TBC1D22A: variants seen among roughly 807,000 people sequenced by gnomAD.
TBC1D22A encodes putative GTPase activator.
Under a neutral mutation model 60.2 loss-of-function variants are expected in TBC1D22A, and 38 were observed. That is an observed-to-expected ratio of 0.63 (90% CI 0.49 to 0.83). The LOEUF is 0.83. Ranked by LOEUF, TBC1D22A falls within the 40% of genes least tolerant of loss-of-function variation. TBC1D22A has a pLI of 0.00. For missense variants in TBC1D22A, 628 were observed against 701.0 expected, an observed-to-expected ratio of 0.90 and a Z score of 1.18; for synonymous variants, 302 against 281.7, an observed-to-expected ratio of 1.07 and a Z score of -0.72.
At chr22:47,052,711 A>G (rs1394581625) in intron 11 of TBC1D22A, among the ~76,000 whole-genome samples, 1 of 152,142 alleles carries the variant, frequency 6.6e-6, no homozygotes, top group Admixed American at 6.5e-5. Flanking sequence ...TCGGCCACAC[A>G]CAGCACTGCT....
intron 8 of TBC1D22A, among the ~76,000 whole-genome samples, chr22:46,955,030 C>T (rs538436590): frequency 9.2e-5 from 14 of 152,294 alleles, no homozygotes; most frequent in South Asian, 2.1e-4. Flanking sequence ...TAATAAGACG[C>T]GGCTTTTGAG....
At chr22:46,763,211 C>T (rs557163535) in intron 1 of TBC1D22A, 1 of 250,882 alleles carries the variant, frequency 4.0e-6, no homozygotes, top group East Asian at 8.2e-5. Context: ...TGAGGCCCCC[C>T]GTCTGCTGGG....
At chr22:47,060,556 G>C (rs574873935) in intron 11 of TBC1D22A, among the ~76,000 whole-genome samples, 1 of 152,054 alleles carries the variant, frequency 6.6e-6, no homozygotes, top group Non-Finnish European at 1.5e-5. Flanking sequence ...TCAGCCTCCC[G>C]AGTAGCTGGG....
chr22:46,860,884 G>T (rs911642488), intron 4 of TBC1D22A, among the ~76,000 whole-genome samples: 2 of 152,244 alleles, frequency 1.3e-5, no homozygotes, highest in African/African-American at 2.4e-5. Context: ...GGGACAGAGG[G>T]AGAAGGTGCA....
chr22:46,779,374 A>G (rs748784102), intron 1 of TBC1D22A, among the ~76,000 whole-genome samples: 3 of 152,066 alleles, frequency 2.0e-5, no homozygotes, highest in African/African-American at 7.2e-5. Flanking sequence ...TCTGTGTTGG[A>G]CAATTTCTTT....
chr22:47,006,369 C>T (rs1320429652), intron 10 of TBC1D22A, among the ~76,000 whole-genome samples: 3 of 152,234 alleles, frequency 2.0e-5, no homozygotes, highest in Non-Finnish European at 4.4e-5. Context: ...ATTTCTGGCC[C>T]ATTTCTGCCA....
chr22:46,919,569 G>A (rs1196609186), intron 8 of TBC1D22A, among the ~76,000 whole-genome samples: 1 of 152,082 alleles, frequency 6.6e-6, no homozygotes, highest in Non-Finnish European at 1.5e-5. Context: ...GAATTACTGG[G>A]TCACATGGTT....
At chr22:47,125,189 G>T (rs549477663) in intron 12 of TBC1D22A, among the ~76,000 whole-genome samples, 12 of 152,280 alleles carry the variant, frequency 7.9e-5, no homozygotes, top group African/African-American at 2.2e-4. Flanking sequence ...AAGATCTGCC[G>T]CCAGCATGGC....
intron 4 of TBC1D22A, among the ~76,000 whole-genome samples, chr22:46,802,462 A>C (rs1330776911): frequency 6.6e-6 from 1 of 152,212 alleles, no homozygotes; most frequent in Non-Finnish European, 1.5e-5. Context: ...AGAGGTGCAA[A>C]GGTCCTGCGG....
In TBC1D22A at chr22:47,051,579, G is replaced by T. The variant is rs78360371; in HGVS notation, c.1329+14381G>T. On this transcript the variant is annotated intron_variant, in intron 11 of 12. Transcript: ENST00000337137. ...GAGGCCCTGGTGATTCTCCTGGAGG[G>T]CTGGGCCAGCCATGCTTTTCAGGTC... Among the ~76,000 whole-genome samples, 406 of 152,216 alleles carry T rather than the reference G, an allele frequency of 2.7e-3. 1 individual carries two copies. The highest frequency in any genetic ancestry group is 9.3e-3 in the African/African-American group (386 of 41,542).
At chr22:47,159,820 A>G (rs980230404) in intron 12 of TBC1D22A, among the ~76,000 whole-genome samples, 2 of 148,350 alleles carry the variant, frequency 1.3e-5, no homozygotes, top group Non-Finnish European at 3.0e-5. Flanking sequence ...ACAGCACACA[A>G]CCCCCACACA....
At chr22:46,847,918 G>GGGGTGT (rs878892889) in intron 4 of TBC1D22A, among the ~76,000 whole-genome samples, 4 of 134,138 alleles carry the variant, frequency 3.0e-5, no homozygotes, top group African/African-American at 1.3e-4. Flanking sequence ...TACCCTAGTG[G>GGGGTGT]GTGTGTGTGT....
At position 46,853,509 on chromosome 22, in the gene TBC1D22A, A is replaced by G. The variant is rs532422413; in HGVS notation, c.638-25144A>G. On this transcript the variant is annotated intron_variant, in intron 4 of 12. Coordinates refer to ENST00000337137, the MANE Select transcript of TBC1D22A (RefSeq NM_014346.5). ...TTTCGGGGGCTTCCTCCAGCCTCCA[A>G]TAGAGGATCAGCGTGAGGGAGTGAG... Among the ~76,000 whole-genome samples, 63 of 152,222 alleles carry G rather than the reference A, an allele frequency of 4.1e-4. 1 individual carries two copies. The East Asian group carries it at 6.6e-3, about 16-fold the overall frequency.
intron 8 of TBC1D22A, chr22:46,914,535 A>G (rs1285935362): frequency 6.6e-6 from 1 of 151,900 alleles, no homozygotes; most frequent in Non-Finnish European, 1.5e-5. Context: ...GGGAATGTTC[A>G]TTAGTACAGT....
chr22:47,075,256 T>C (rs2147529056), intron 11 of TBC1D22A, among the ~76,000 whole-genome samples: 1 of 147,412 alleles, frequency 6.8e-6, no homozygotes, highest in Non-Finnish European at 1.5e-5. Context: ...AGTACTAAAC[T>C]GGGAGTTTGT....
intron 8 of TBC1D22A, among the ~76,000 whole-genome samples, chr22:46,951,575 G>A (rs1028453867): frequency 6.6e-6 from 1 of 152,198 alleles, no homozygotes; most frequent in Non-Finnish European, 1.5e-5. Flanking sequence ...CACTGCAGCC[G>A]GCGCCATCTT....
At chr22:47,131,216 A>G (rs2066667203) in intron 12 of TBC1D22A, among the ~76,000 whole-genome samples, 1 of 152,172 alleles carries the variant, frequency 6.6e-6, no homozygotes, top group Admixed American at 6.5e-5. Flanking sequence ...CCACCATGAG[A>G]TTGAGAGGGC....
At chr22:47,089,199 G>A (rs2064819413) in intron 11 of TBC1D22A, among the ~76,000 whole-genome samples, 1 of 152,218 alleles carries the variant, frequency 6.6e-6, no homozygotes, top group African/African-American at 2.4e-5. Context: ...TGGGAGGCAT[G>A]CAGGATCACA....
chr22:47,084,604 A>G (rs1421547064), intron 11 of TBC1D22A, among the ~76,000 whole-genome samples: 1 of 152,198 alleles, frequency 6.6e-6, no homozygotes, highest in Non-Finnish European at 1.5e-5. Flanking sequence ...TTTTAATAGC[A>G]AGAAAGGAGC....
Sources: allele counts gnomAD v4.1 joint callset (sites outside exome capture counted in the v4.1 genomes callset), GRCh38; gene constraint gnomAD v4.1.1; transcripts MANE v1.5; gene names NCBI Gene and HGNC (gene_info 2026-07-23, HGNC 2026-07-21).